ADGRF4: variants seen among roughly 807,000 people sequenced by gnomAD.
ADGRF4 encodes G-protein coupled receptor PGR18.
A neutral mutation model predicts 58.5 loss-of-function variants in ADGRF4; 63 were observed. The observed-to-expected ratio is 1.08, with a 90% confidence interval of 0.88 to 1.33. ADGRF4 has a LOEUF of 1.33. Among genes scored for constraint, ADGRF4 ranks in the 40% most tolerant of loss-of-function variants. The pLI is 0.00. For synonymous variants in ADGRF4, 313 were observed against 295.4 expected (o/e 1.06, Z -0.61); for missense variants, 931 against 843.9 (o/e 1.10, Z -1.28).
chr6:47,717,283 C>A lies in ADGRF4; in HGVS notation c.1975-9C>A. ...TGTGAGGTACTTCTCATTGTCATTG[C>A]TTCTTTAGATAAGAGATGCTTTGAG... On this transcript the variant is annotated splice_polypyrimidine_tract_variant and intron_variant, in intron 7 of 9. Transcript: ENST00000283303. 2 of 1,600,418 alleles carry A rather than the reference C, an allele frequency of 1.2e-6. No individual in the cohort carries two copies. Among genetic ancestry groups the A allele is most frequent in the South Asian group, 1.1e-5 (1 of 90,838 alleles).
At chr6:47,701,442 T>C (rs1771586457) in intron 1 of ADGRF4, among the ~76,000 whole-genome samples, 1 of 152,186 alleles carries the variant, frequency 6.6e-6, no homozygotes, top group African/African-American at 2.4e-5. Flanking sequence ...AAATAAATCA[T>C]CTTGCAGACA....
chr6:47,710,949 T>A, intron 4 of ADGRF4, 63 bp downstream of exon 4: 1 of 1,458,102 alleles, frequency 6.9e-7, no homozygotes, highest in Non-Finnish European at 9.4e-7. Context: ...AGACACATTT[T>A]TAATGTGATC....
intron 8 of ADGRF4, 123 bp downstream of exon 8, chr6:47,717,474 A>C: frequency 1.4e-6 from 1 of 725,480 alleles, no homozygotes. Context: ...AGCGTACTTC[A>C]TTCATTCATT....
intron 7 of ADGRF4, 44 bp downstream of exon 7, chr6:47,716,891 CTGGGGG>C: frequency 7.4e-7 from 1 of 1,357,928 alleles, no homozygotes; most frequent in Non-Finnish European, 1.0e-6. Context: ...TTTCATGTGG[CTGGGGG>C]AAGCAGGAGG....
At chr6:47,711,588 C>T (rs900124327) in intron 4 of ADGRF4, among the ~76,000 whole-genome samples, 5 of 152,164 alleles carry the variant, frequency 3.3e-5, no homozygotes, top group African/African-American at 1.2e-4. Flanking sequence ...TACTTTCAAT[C>T]TCTTGACCAA....
In ADGRF4 at chr6:47,713,957, C is replaced by T. The variant is rs1329366363; in HGVS notation, c.712C>T (p.Leu238Phe). ...TAATTCTGAGAACATTGTGAATGAA[C>T]TCTTCATTCAGACAAAAGGGTTTCA... ...HNNSENIVNE[L>F]FIQTKGFHIN... Residue 238 changes from leucine to phenylalanine, a missense_variant, in exon 6 of 10, where the codon CTC becomes TTC. By Grantham distance (22) the Leu-to-Phe change is conservative. Coordinates refer to ENST00000283303, the MANE Select transcript of ADGRF4 (RefSeq NM_153838.5). The T allele has an allele frequency of 3.7e-6, 6 of 1,605,244 alleles. No individual in the cohort carries two copies. Among genetic ancestry groups the T allele is most frequent in the African/African-American group, 1.3e-5 (1 of 74,560 alleles).
At chr6:47,700,553 C>A (rs1395747316) in intron 1 of ADGRF4, among the ~76,000 whole-genome samples, 4 of 152,216 alleles carry the variant, frequency 2.6e-5, no homozygotes, top group Non-Finnish European at 4.4e-5. Flanking sequence ...CTTATGGAGA[C>A]AGTGTGGAAA....
intron 4 of ADGRF4, 53 bp from the exon 5 acceptor site, chr6:47,712,304 T>C: frequency 1.1e-5 from 17 of 1,577,346 alleles, no homozygotes; most frequent in Middle Eastern, 1.7e-4. Flanking sequence ...TTTAGTCTGA[T>C]ACATGGTAGG....
chr6:47,708,338 AC>A, intron 3 of ADGRF4, 60 bp downstream of exon 3: 1 of 1,305,992 alleles, frequency 7.7e-7, no homozygotes, highest in Admixed American at 1.7e-5. Context: ...AAGGAAGGGC[AC>A]TGATGTTGCA....
chr6:47,715,213 C>A (rs16876369), intron 6 of ADGRF4, 36 bp downstream of exon 6: 9 of 1,417,128 alleles, frequency 6.4e-6, no homozygotes, highest in African/African-American at 1.4e-5. Flanking sequence ...TGTGTTACTC[C>A]GACTAGACCA....
chr6:47,714,592 C>A lies in ADGRF4; in HGVS notation c.1347C>A (p.Ser449=). Reference sequence around the variant, plus strand: ...TGTGCATCGTGAATATAGCAGTGTCCCTTCTGACTGCCAATGTGTGGTTTA... The same window carrying A: ...TGTGCATCGTGAATATAGCAGTGTCACTTCTGACTGCCAATGTGTGGTTTA... ...RHVCIVNIAV[S]LLTANVWFII... is the part of the protein sequence containing the mutation. The change falls in exon 6 of 10, where the codon TCC becomes TCA. Residue 449 remains serine (S), a synonymous_variant. Transcript: ENST00000283303. 6.2e-7 allele frequency: 1 copy of A among 1,614,048 alleles called. No individual in the cohort carries two copies. Among genetic ancestry groups the A allele is most frequent in the Non-Finnish European group, 8.5e-7 (1 of 1,180,002 alleles).
In ADGRF4 at chr6:47,721,568, C is replaced by T. The variant is rs909517639; in HGVS notation, c.*363C>T. 6 of 152,164 alleles carry T rather than the reference C, an allele frequency of 3.9e-5. No homozygotes were observed. Among genetic ancestry groups the T allele is most frequent in the Admixed American group, 2.0e-4 (3 of 15,274 alleles). 9.4% of individuals were successfully genotyped at this position (152,164 alleles called of 1,614,324 possible). A position where few individuals can be genotyped will look rare whatever the true frequency, so the allele number is the denominator to read the frequency against. ...GCTTGGTCGTCTTTCACTCCTGAGGCCTGCTCTGTGGCTCCATAGCTCAGT... is the reference window on the plus strand; with the variant it reads ...GCTTGGTCGTCTTTCACTCCTGAGGTCTGCTCTGTGGCTCCATAGCTCAGT... On this transcript the variant is annotated 3_prime_UTR_variant, in exon 10 of 10. Coordinates refer to ENST00000283303, the MANE Select transcript of ADGRF4 (RefSeq NM_153838.5).
intron 5 of ADGRF4, among the ~76,000 whole-genome samples, chr6:47,713,041 C>T (rs1771910023): frequency 6.6e-6 from 1 of 152,144 alleles, no homozygotes. Context: ...TCAGCTGCAG[C>T]ATTAGATTCT....
At chr6:47,708,360 C>G in intron 3 of ADGRF4, 82 bp downstream of exon 3, 1 of 1,026,542 alleles carries the variant, frequency 9.7e-7, no homozygotes, top group East Asian at 2.4e-5. Flanking sequence ...AGCTTGTCCC[C>G]AGACCACAGG....
At chr6:47,700,457 C>T in intron 1 of ADGRF4, among the ~76,000 whole-genome samples, 1 of 152,260 alleles carries the variant, frequency 6.6e-6, no homozygotes, top group East Asian at 1.9e-4. Flanking sequence ...CAGGTACAAG[C>T]AAGATGGGAC....
At chr6:47,708,741 A>G (rs1771787020) in intron 3 of ADGRF4, among the ~76,000 whole-genome samples, 1 of 152,210 alleles carries the variant, frequency 6.6e-6, no homozygotes, top group African/African-American at 2.4e-5. Context: ...TAAGGGGGTA[A>G]TCACTAGGAG....
At chr6:47,718,489 G>GGATTGACACAAAT in intron 9 of ADGRF4, 44 bp downstream of exon 9, 1 of 1,153,446 alleles carries the variant, frequency 8.7e-7, no homozygotes, top group Non-Finnish European at 1.3e-6. Context: ...TGCAATTTGT[G>GGATTGACACAAAT]TCAATCCACC....
At chr6:47,707,655 T>C (rs575012150) in intron 2 of ADGRF4, among the ~76,000 whole-genome samples, 6 of 152,332 alleles carry the variant, frequency 3.9e-5, no homozygotes, top group African/African-American at 1.4e-4. Flanking sequence ...AATTTTGCTT[T>C]CCACTAGTTG....
rs1369026730 is a variant in ADGRF4, at chr6:47,713,834, G to A, written c.589G>A (p.Ala197Thr). The A allele has an allele frequency of 2.5e-6, 4 of 1,580,848 alleles. No homozygotes were observed. The highest frequency in any genetic ancestry group is 2.4e-5 in the South Asian group (2 of 83,986). ...SEVANHILDT[A>T]AISNWAFIPN... ...AGTGGCCAACCACATCCTCGACACAGCAGCCATTTCAAACTGGGCTTTCAT... is the reference window on the plus strand; with the variant it reads ...AGTGGCCAACCACATCCTCGACACAACAGCCATTTCAAACTGGGCTTTCAT... The change falls in exon 6 of 10, where the codon GCA becomes ACA. Residue 197 changes from alanine to threonine, a missense_variant. By Grantham distance (58) the Ala-to-Thr change is moderately conservative. Coordinates refer to ENST00000283303, the MANE Select transcript of ADGRF4 (RefSeq NM_153838.5).
Sources: allele counts gnomAD v4.1 joint callset (sites outside exome capture counted in the v4.1 genomes callset), GRCh38; gene constraint gnomAD v4.1.1; transcripts MANE v1.5; gene names NCBI Gene and HGNC (gene_info 2026-07-23, HGNC 2026-07-21).